DGAT2: variants seen among roughly 807,000 people sequenced by gnomAD.
DGAT2 encodes the protein acyl-CoA retinol O-fatty-acyltransferase.
In DGAT2, 33 loss-of-function variants were observed where a neutral mutation model predicts 48.4. The ratio of observed to expected loss-of-function variants is 0.68; its 90% CI spans 0.52 to 0.91. The LOEUF (loss-of-function observed/expected upper bound fraction) is 0.91, where lower values mean the gene tolerates loss of function less well. Among genes scored for constraint, DGAT2 ranks in the 40% least tolerant of loss-of-function variants. The pLI is 0.00. For synonymous variants in DGAT2, 191 were observed against 194.1 expected, an observed-to-expected ratio of 0.98 and a Z score of 0.13; for missense variants, 446 against 493.7, an observed-to-expected ratio of 0.90 and a Z score of 0.92.
Position 75,798,455 on chromosome 11 carries a change from G to A in DGAT2, c.1012+26G>A, listed in dbSNP as rs759260470. 11 of 1,608,838 alleles carry A rather than the reference G, an allele frequency of 6.8e-6. 1 individual carries two copies. The South Asian group carries it at 1.2e-4, about 18-fold the overall frequency. On this transcript the variant is annotated intron_variant, in intron 7 of 7. Transcript: ENST00000228027. ...GTAAGCCCCTAGCCTGCAGACCAAG[G>A]GCTGTCCTGAACACAGGGTGCCATA... is the stretch of plus-strand genomic sequence containing the variant.
At chr11:75,794,053 A>G (rs1419825828) in intron 4 of DGAT2, 1 of 152,246 alleles carries the variant, frequency 6.6e-6, no homozygotes, top group Non-Finnish European at 1.5e-5. Context: ...AGCAACTTTA[A>G]TCTGTTTGCC....
chr11:75,783,728 A>G (rs924301917), intron 1 of DGAT2, among the ~76,000 whole-genome samples: 5 of 152,126 alleles, frequency 3.3e-5, no homozygotes, highest in African/African-American at 1.2e-4. Context: ...ACCTTCACCC[A>G]TGCTCTTCCC....
In DGAT2 at chr11:75,797,215, GCAATGCTA is replaced by G; in HGVS notation, c.693_700del (p.Asn232HisfsTer9). ...TATTTGCTTTCAAAGAATGGGAGTG[GCAATGCTA>G]TCATCATCGTGGTCGGGGGTGCGGC... On this transcript the variant is annotated frameshift_variant, in exon 6 of 8. Transcript: ENST00000228027. LOFTEE classifies it high-confidence loss of function. 4 of 1,576,378 alleles carry G rather than the reference GCAATGCTA, an allele frequency of 2.5e-6. No individual in the cohort carries two copies. Among genetic ancestry groups the G allele is most frequent in the Non-Finnish European group, 3.4e-6 (4 of 1,160,608 alleles).
chr11:75,790,966 CTCTG>C (rs1229210539), intron 4 of DGAT2, among the ~76,000 whole-genome samples: 1 of 152,240 alleles, frequency 6.6e-6, no homozygotes, highest in Non-Finnish European at 1.5e-5. Context: ...TCAGTCTCAG[CTCTG>C]TCTGGCCCCT....
chr11:75,800,618 C>T lies in DGAT2; in HGVS notation c.*110C>T. 1 of 1,336,342 alleles carries T rather than the reference C, an allele frequency of 7.5e-7. No individual in the cohort carries two copies. Among genetic ancestry groups the T allele is most frequent in the Non-Finnish European group, 1.0e-6 (1 of 994,980 alleles). The allele number at this position is 1,336,342 out of a possible 1,614,324, so 82.8% of individuals were successfully genotyped here. On this transcript the variant is annotated 3_prime_UTR_variant, in exon 8 of 8. Transcript: ENST00000228027. ...GTGGGTTATTTAAAAGAAATTATAA[C>T]AATTTTGCTAAACCATTACAATGTT...
At chr11:75,797,078 GTT>G in intron 5 of DGAT2, 78 bp from the exon 6 acceptor site, 1 of 1,387,272 alleles carries the variant, frequency 7.2e-7, no homozygotes, top group African/African-American at 1.5e-5. Context: ...GGTTCTTTAT[GTT>G]TTATACCTGA....
intron 1 of DGAT2, 49 bp downstream of exon 1, chr11:75,769,161 A>T (rs1013465147): frequency 2.6e-6 from 4 of 1,512,794 alleles, no homozygotes; most frequent in Non-Finnish European, 3.5e-6. Context: ...GATTTTCTGG[A>T]AAGGGCCCTG....
Position 75,784,686 on chromosome 11 carries a change from G to A in DGAT2, c.190G>A (p.Val64Met). The change falls in exon 2 of 8, where the codon GTG (valine) becomes ATG (methionine). Residue 64 changes from valine to methionine, a missense_variant. Coordinates refer to ENST00000228027, the MANE Select transcript of DGAT2 (RefSeq NM_032564.5). ...TGTCACCTGGCTCAATAGGTCCAAG[G>A]TGGAAAAGCAGCTACAGGTCATCTC... ...FSVTWLNRSK[V>M]EKQLQVISVL... The A allele has an allele frequency of 3.1e-6, 5 of 1,614,110 alleles. No homozygotes were observed. Among genetic ancestry groups the A allele is most frequent in the Non-Finnish European group, 4.2e-6 (5 of 1,179,986 alleles).
At chr11:75,770,856 G>A (rs1944750128) in intron 1 of DGAT2, among the ~76,000 whole-genome samples, 1 of 152,110 alleles carries the variant, frequency 6.6e-6, no homozygotes, top group Admixed American at 6.5e-5. Flanking sequence ...GGAAGGGCTG[G>A]TATGAAATGC....
intron 1 of DGAT2, chr11:75,777,037 C>G (rs1041459486): frequency 6.6e-6 from 1 of 152,410 alleles, no homozygotes; most frequent in African/African-American, 2.4e-5. Flanking sequence ...TTGGGGGTAA[C>G]TTGGGGGTGA....
In DGAT2 at chr11:75,769,057, G is replaced by A. The variant is rs1030214352; in HGVS notation, c.66G>A (p.Arg22=). 6.3e-7 allele frequency: 1 copy of A among 1,582,832 alleles called. No individual in the cohort carries two copies. Residue 22 remains arginine (R), a synonymous_variant, in exon 1 of 8, where the codon CGG becomes CGA. Coordinates refer to ENST00000228027, the MANE Select transcript of DGAT2 (RefSeq NM_032564.5). ...LRGERQAEAD[R]SQRSHGGPAL... ...GCGAGCGTCAGGCCGAGGCTGACCG[G>A]AGCCAGCGCTCTCACGGAGGACCTG...
intron 4 of DGAT2, among the ~76,000 whole-genome samples, chr11:75,791,283 G>A (rs757627689): frequency 2.4e-4 from 37 of 152,204 alleles, no homozygotes; most frequent in Non-Finnish European, 3.7e-4. Flanking sequence ...TGTGTTGCCT[G>A]GGGGCAGTGG....
chr11:75,797,042 G>A (rs1945063762), intron 5 of DGAT2, 116 bp from the exon 6 acceptor site: 2 of 1,038,718 alleles, frequency 1.9e-6, no homozygotes, highest in Non-Finnish European at 2.7e-6. Flanking sequence ...CAAAGGGGCT[G>A]GGCTAGGTCT....
chr11:75,800,446 C>A lies in DGAT2; in HGVS notation c.1105C>A (p.Leu369Ile), dbSNP rs1256111801. 2.5e-6 allele frequency: 4 copies of A among 1,614,200 alleles called. No homozygotes were observed. In the African/African-American group the frequency reaches 4.0e-5, roughly 16 times the overall value. Reference sequence around the variant, plus strand: ...CATGTACATGGAGGCCCTGGTGAAGCTCTTCGACAAGCACAAGACCAAGTT... The same window carrying A: ...CATGTACATGGAGGCCCTGGTGAAGATCTTCGACAAGCACAAGACCAAGTT... ...HTMYMEALVK[L>I]FDKHKTKFGL... Residue 369 changes from leucine (L) to isoleucine (I), a missense_variant, in exon 8 of 8, where the codon CTC (leucine) becomes ATC (isoleucine). Transcript: ENST00000228027.
chr11:75,785,872 A>G (rs550673327), intron 2 of DGAT2, among the ~76,000 whole-genome samples: 125 of 152,336 alleles, frequency 8.2e-4, no homozygotes, highest in Non-Finnish European at 1.2e-3. Context: ...ACAAAGGTTC[A>G]TCAACTACCT....
At chr11:75,787,225 T>A (rs976623150) in intron 2 of DGAT2, among the ~76,000 whole-genome samples, 2 of 152,256 alleles carry the variant, frequency 1.3e-5, no homozygotes, top group South Asian at 4.1e-4. Flanking sequence ...TAGATGTCAT[T>A]TGTTTCCCCA....
chr11:75,801,434 A>C lies in DGAT2; in HGVS notation c.*926A>C, dbSNP rs1477490401. The C allele has an allele frequency of 6.6e-6, 1 of 152,504 alleles. No homozygotes were observed. The highest frequency in any genetic ancestry group is 2.4e-5 in the African/African-American group (1 of 41,370). 9.4% of individuals were successfully genotyped at this position (152,504 alleles called of 1,614,324 possible). On this transcript the variant is annotated 3_prime_UTR_variant, in exon 8 of 8. Coordinates refer to ENST00000228027, the MANE Select transcript of DGAT2 (RefSeq NM_032564.5). ...CTGAGGGGGTTGGGCCGGGGAGGAA[A>C]CCCAACCCTCTCCTGTGTGTTCTGT...
intron 1 of DGAT2, 48 bp downstream of exon 1, chr11:75,769,160 G>C: frequency 6.6e-7 from 1 of 1,513,942 alleles, no homozygotes; most frequent in South Asian, 1.3e-5. Context: ...AGATTTTCTG[G>C]AAAGGGCCCT....
chr11:75,785,412 C>T (rs1030387985), intron 2 of DGAT2, among the ~76,000 whole-genome samples: 4 of 152,246 alleles, frequency 2.6e-5, no homozygotes, highest in African/African-American at 9.6e-5. Context: ...GCACATTCCC[C>T]AGGTGCTTCC....
Sources: gnomAD v4.1 joint callset for allele counts (sites outside exome capture counted in the v4.1 genomes callset) on GRCh38, gnomAD v4.1.1 for gene constraint, MANE v1.5 for transcripts, NCBI Gene and HGNC (gene_info 2026-07-23, HGNC 2026-07-21) for gene names.